PHTF2: variants seen among roughly 807,000 people sequenced by gnomAD.
The protein encoded by PHTF2 is putative homeodomain transcription factor 2, also known as protein PHTF2.
Under a neutral mutation model 101.2 loss-of-function variants are expected in PHTF2, and 60 were observed. The observed-to-expected ratio is 0.59, with a 90% CI of 0.48 to 0.73. The LOEUF (loss-of-function observed/expected upper bound fraction) is 0.73. Among genes scored for constraint, PHTF2 ranks in the 30% least tolerant of loss-of-function variants. PHTF2 has a pLI of 0.00. For missense variants in PHTF2, 747 were observed against 908.7 expected (o/e 0.82, Z 2.29); for synonymous variants, 311 against 307.3 (o/e 1.01, Z -0.13).
chr7:77,897,815 G>C (rs992522237), intron 5 of PHTF2, among the ~76,000 whole-genome samples: 7 of 152,060 alleles, frequency 4.6e-5, no homozygotes, highest in Non-Finnish European at 1.0e-4. Context: ...CAAGTAGCTG[G>C]TATTACAGGC....
rs1027187460 is a variant in PHTF2, at chr7:77,938,485, C to G, written c.1467+647C>G. 3.3e-5 allele frequency among the ~76,000 whole-genome samples: 5 copies of G among 152,174 alleles called. No individual in the cohort carries two copies. The South Asian group carries it at 1.0e-3, about 32-fold the overall frequency. The stretch of plus-strand genomic sequence containing the variant: ...GTGGCTCACGCCTGTAATCCCAGCA[C>G]TTTGGGAGGCTGAGGCGGGCGGATC... On this transcript the variant is annotated intron_variant, in intron 13 of 19. Transcript: ENST00000416283.
chr7:77,849,285 G>A (rs903280775), intron 2 of PHTF2, among the ~76,000 whole-genome samples: 1 of 151,140 alleles, frequency 6.6e-6, no homozygotes, highest in Non-Finnish European at 1.5e-5. Context: ...CACCATGCCT[G>A]GCTAATTTAT....
intron 9 of PHTF2, among the ~76,000 whole-genome samples, chr7:77,915,449 G>A (rs1034131257): frequency 2.0e-5 from 3 of 151,970 alleles, no homozygotes; most frequent in Non-Finnish European, 4.4e-5. Context: ...TTGACCTCAC[G>A]ATCCGCCCAC....
chr7:77,877,332 C>T (rs1217003868), intron 3 of PHTF2, among the ~76,000 whole-genome samples: 1 of 152,064 alleles, frequency 6.6e-6, no homozygotes, highest in Non-Finnish European at 1.5e-5. Context: ...TCTCGAACTC[C>T]TGACCTCATG....
chr7:77,937,963 C>A, intron 13 of PHTF2, 125 bp downstream of exon 12: 2 of 376,968 alleles, frequency 5.3e-6, no homozygotes, highest in Non-Finnish European at 9.2e-6. Flanking sequence ...AAAAAAGTTA[C>A]ATGTGTGTAT....
At chr7:77,893,718 A>G (rs3779352) in intron 4 of PHTF2, 54 bp downstream of exon 3, 57,970 of 744,254 alleles carry the variant, frequency 0.078, 3,231 homozygotes, top group South Asian at 0.18. Context: ...ATGAATTATT[A>G]ATTACATTTT....
intron 3 of PHTF2, among the ~76,000 whole-genome samples, chr7:77,890,028 C>G (rs971551987): frequency 6.7e-6 from 1 of 150,356 alleles, no homozygotes; most frequent in African/African-American, 2.5e-5. Flanking sequence ...ACGCGCCCCC[C>G]CCCACCACCA....
chr7:77,874,523 C>T lies in PHTF2; in HGVS notation c.148-19085C>T, dbSNP rs111720430. Among the ~76,000 whole-genome samples the T allele has an allele frequency of 7.0e-3, 1,067 of 152,276 alleles. 5 individuals carry two copies. The highest frequency in any genetic ancestry group is 0.024 in the African/African-American group (993 of 41,548). On this transcript the variant is annotated intron_variant, in intron 3 of 19. Coordinates refer to ENST00000416283, the Ensembl canonical transcript of PHTF2. ...TTCCAAAACTGAAGAACTTGGAATC[C>T]GCTGTTCCAGGGCAGGAAGCATTCA... is the stretch of plus-strand genomic sequence containing the variant.
chr7:77,915,787 T>G (rs848481), intron 9 of PHTF2, among the ~76,000 whole-genome samples: 1 of 151,910 alleles, frequency 6.6e-6, no homozygotes, highest in Non-Finnish European at 1.5e-5. Context: ...GAAATACTGC[T>G]TCTATCATGG....
intron 10 of PHTF2, among the ~76,000 whole-genome samples, chr7:77,922,319 G>T (rs977992066): frequency 6.6e-6 from 1 of 152,024 alleles, no homozygotes; most frequent in Admixed American, 6.6e-5. Flanking sequence ...GAGCCACTGT[G>T]CCTGGCATAT....
At chr7:77,944,818 A>G (rs1805913119) in intron 16 of PHTF2, among the ~76,000 whole-genome samples, 1 of 152,244 alleles carries the variant, frequency 6.6e-6, no homozygotes, top group Non-Finnish European at 1.5e-5. Context: ...AGACAAATGA[A>G]AAATACAGTT....
intron 7 of PHTF2, among the ~76,000 whole-genome samples, chr7:77,903,985 C>G (rs142584149): frequency 6.6e-6 from 1 of 152,168 alleles, no homozygotes; most frequent in Non-Finnish European, 1.5e-5. Context: ...ATTCTCAGCT[C>G]TATCCCCATT....
chr7:77,924,067 A>G, intron 11 of PHTF2: 2 of 958,824 alleles, frequency 2.1e-6, no homozygotes, highest in Non-Finnish European at 2.5e-6. Context: ...AGACTAGGTG[A>G]TATTTTAAAA....
intron 10 of PHTF2, among the ~76,000 whole-genome samples, chr7:77,920,830 C>T (rs1476780757): frequency 2.6e-5 from 4 of 152,008 alleles, no homozygotes; most frequent in Non-Finnish European, 4.4e-5. Context: ...TACAGGCATG[C>T]GCCACCATGC....
chr7:77,890,707 G>A (rs963919906), intron 3 of PHTF2, among the ~76,000 whole-genome samples: 1 of 143,950 alleles, frequency 6.9e-6, no homozygotes, highest in Non-Finnish European at 1.5e-5. Flanking sequence ...CCGGGTTCAC[G>A]CCATTCTCCT....
intron 3 of PHTF2, among the ~76,000 whole-genome samples, chr7:77,859,456 A>C (rs1797440968): frequency 2.0e-5 from 3 of 152,220 alleles, no homozygotes; most frequent in Admixed American, 2.0e-4. Context: ...CATGTTCTTA[A>C]AAGTTACGAT....
chr7:77,953,065 A>C (rs1035179247), intron 18 of PHTF2, among the ~76,000 whole-genome samples: 1 of 152,134 alleles, frequency 6.6e-6, no homozygotes, highest in Non-Finnish European at 1.5e-5. Flanking sequence ...GGCCCTAACA[A>C]TGCTGAGCAA....
intron 7 of PHTF2, among the ~76,000 whole-genome samples, chr7:77,908,222 G>A (rs372186225): frequency 5.3e-5 from 8 of 152,200 alleles, no homozygotes; most frequent in African/African-American, 1.7e-4. Flanking sequence ...GGAGGGAGAC[G>A]AAGGTAAAGA....
chr7:77,939,549 C>T (rs1055414752), intron 13 of PHTF2, among the ~76,000 whole-genome samples: 2 of 145,398 alleles, frequency 1.4e-5, no homozygotes, highest in Admixed American at 6.9e-5. Flanking sequence ...ATTATTGTGC[C>T]ACTGTACTCC....
Sources: allele counts gnomAD v4.1 joint callset (sites outside exome capture counted in the v4.1 genomes callset), GRCh38; gene constraint gnomAD v4.1.1; transcripts MANE v1.5; gene names NCBI Gene and HGNC (gene_info 2026-07-23, HGNC 2026-07-21).